The following BNC2 variants were observed in gnomAD, a reference collection of about 807,000 sequenced individuals.
BNC2 encodes zinc finger protein basonuclin-2.
BNC2 carries 20 observed loss-of-function variants against 76.3 expected under a neutral mutation model. That is an observed-to-expected ratio of 0.26 (90% CI 0.18 to 0.38). The LOEUF (loss-of-function observed/expected upper bound fraction) is 0.38, where lower values mean the gene tolerates loss of function less well. BNC2 is among the 10% of genes least tolerant of loss of function. The probability of loss-of-function intolerance (pLI) is 1.00; values close to 1 mark genes in which losing one functional copy is unlikely to be tolerated. For synonymous variants in BNC2, 582 were observed against 514.8 expected (o/e 1.13, Z -1.77); for missense variants, 1,382 against 1,399.8 (o/e 0.99, Z 0.20).
chr9:16,464,149 G>A (rs140936509), intron 5 of BNC2, among the ~76,000 whole-genome samples: 148 of 150,996 alleles, frequency 9.8e-4, no homozygotes, highest in Non-Finnish European at 1.4e-3. Context: ...AAAATGGGAG[G>A]AGCTAGTAGT....
At chr9:16,468,511 T>C (rs1821745494) in intron 5 of BNC2, among the ~76,000 whole-genome samples, 1 of 152,208 alleles carries the variant, frequency 6.6e-6, no homozygotes, top group Non-Finnish European at 1.5e-5. Flanking sequence ...CTCTCCCGCC[T>C]CAGCCTCCCG....
chr9:16,682,124 T>G (rs1414388868), intron 3 of BNC2, among the ~76,000 whole-genome samples: 3 of 151,728 alleles, frequency 2.0e-5, no homozygotes, highest in Non-Finnish European at 4.4e-5. Context: ...GTTATACCCA[T>G]TTAATAAGGT....
chr9:16,580,099 CTG>C (rs1419321197), intron 4 of BNC2: 1 of 398,408 alleles, frequency 2.5e-6, no homozygotes, highest in Non-Finnish European at 4.4e-6. Flanking sequence ...GGAAAGAATG[CTG>C]TGTTTCACCT....
chr9:16,464,885 T>A (rs1024397349), intron 5 of BNC2, among the ~76,000 whole-genome samples: 15 of 152,220 alleles, frequency 9.9e-5, no homozygotes, highest in Admixed American at 5.9e-4. Flanking sequence ...GTGATGTCTG[T>A]GACTGAACTA....
intron 3 of BNC2, among the ~76,000 whole-genome samples, chr9:16,593,648 C>T (rs1394155249): frequency 6.6e-6 from 1 of 152,000 alleles, no homozygotes; most frequent in East Asian, 1.9e-4. Context: ...TAGGCAAAAA[C>T]ATTTTATTTT....
At chr9:16,546,976 T>G (rs1263367997) in intron 5 of BNC2, among the ~76,000 whole-genome samples, 2 of 152,168 alleles carry the variant, frequency 1.3e-5, no homozygotes, top group Admixed American at 1.3e-4. Context: ...GGGAAGCGAG[T>G]TACAGTGATG....
chr9:16,588,606 A>C (rs1819836902), intron 3 of BNC2, among the ~76,000 whole-genome samples: 1 of 152,230 alleles, frequency 6.6e-6, no homozygotes, highest in African/African-American at 2.4e-5. Context: ...GCAAAAGTAC[A>C]TCTAAAATAT....
intron 3 of BNC2, among the ~76,000 whole-genome samples, chr9:16,726,616 AT>A (rs1380554089): frequency 6.6e-6 from 1 of 150,986 alleles, no homozygotes; most frequent in African/African-American, 2.4e-5. Context: ...GTGGCACAAC[AT>A]TTCTTAATAA....
intron 1 of BNC2, among the ~76,000 whole-genome samples, chr9:16,797,758 A>G: frequency 6.6e-6 from 1 of 152,266 alleles, no homozygotes; most frequent in African/African-American, 2.4e-5. Flanking sequence ...AAGTAGTCAC[A>G]TATCCCCACC....
intron 1 of BNC2, among the ~76,000 whole-genome samples, chr9:16,780,242 A>AAAAAAAAAAACAAAC (rs1826103021): frequency 7.7e-6 from 1 of 129,570 alleles, no homozygotes; most frequent in South Asian, 2.8e-4. Context: ...TTTCAAAAAA[A>AAAAAAAAAAACAAAC]AAAAAAAAAA....
intron 3 of BNC2, among the ~76,000 whole-genome samples, chr9:16,594,560 A>T (rs1820014993): frequency 6.6e-6 from 1 of 152,178 alleles, no homozygotes; most frequent in Non-Finnish European, 1.5e-5. Flanking sequence ...GCAACAGGGG[A>T]GAAAAGTTGT....
chr9:16,810,890 C>A (rs1818031163), intron 1 of BNC2, among the ~76,000 whole-genome samples: 2 of 152,102 alleles, frequency 1.3e-5, no homozygotes, highest in South Asian at 4.1e-4. Flanking sequence ...GAAATCTCCC[C>A]AAATTTTTTT....
At chr9:16,750,397 G>C (rs1225606495) in intron 1 of BNC2, among the ~76,000 whole-genome samples, 1 of 152,070 alleles carries the variant, frequency 6.6e-6, no homozygotes, top group African/African-American at 2.4e-5. Flanking sequence ...ACACCCAACA[G>C]CATATGGCTT....
At chr9:16,641,677 T>G (rs1821495854) in intron 3 of BNC2, among the ~76,000 whole-genome samples, 1 of 152,184 alleles carries the variant, frequency 6.6e-6, no homozygotes, top group Non-Finnish European at 1.5e-5. Context: ...CCAGCTAAGA[T>G]TCCAAAACTT....
intron 3 of BNC2, among the ~76,000 whole-genome samples, chr9:16,664,738 A>C (rs28405076): frequency 0.035 from 5,310 of 152,038 alleles, 140 homozygotes; most frequent in East Asian, 0.11. Context: ...ACAAAAAAAA[A>C]CAGGGGATCT....
Position 16,418,854 on chromosome 9 carries a change from C to T in BNC2, c.*135G>A. 6.3e-6 allele frequency: 6 copies of T among 950,100 alleles called. No individual in the cohort carries two copies. The highest frequency in any genetic ancestry group is 9.7e-6 in the Non-Finnish European group (6 of 617,020). The allele number at this position is 950,100 out of a possible 1,614,324, so 58.9% of individuals were successfully genotyped here. On this transcript the variant is annotated 3_prime_UTR_variant, in exon 7 of 7. Coordinates refer to ENST00000380672, the MANE Select transcript of BNC2 (RefSeq NM_017637.6). ...AGGAAATACGTGTGTGTATATGTAGCCACAGAGCATACATAAATGCACACA... is the reference window on the plus strand; with the variant it reads ...AGGAAATACGTGTGTGTATATGTAGTCACAGAGCATACATAAATGCACACA...
At chr9:16,518,948 T>C (rs947327384) in intron 5 of BNC2, among the ~76,000 whole-genome samples, 3 of 152,220 alleles carry the variant, frequency 2.0e-5, no homozygotes, top group Admixed American at 1.3e-4. Flanking sequence ...CTTTATCATA[T>C]AGTTTGGTGA....
chr9:16,413,455 A>AT lies in BNC2; in HGVS notation c.*5533dup, dbSNP rs1820518181. The AT allele has an allele frequency of 6.6e-6, 1 of 151,526 alleles. No homozygotes were observed. The highest frequency in any genetic ancestry group is 1.5e-5 in the Non-Finnish European group (1 of 67,962). The allele number at this position is 151,526 out of a possible 1,614,324, so 9.4% of individuals were successfully genotyped here. On this transcript the variant is annotated 3_prime_UTR_variant, in exon 7 of 7. Coordinates refer to ENST00000380672, the MANE Select transcript of BNC2 (RefSeq NM_017637.6). ...AATCTTTTGGATTAAAAGCATTTGG[A>AT]TTTTTCAACAAATGCCAAAAAGACA...
At chr9:16,852,780 G>A (rs775452973) in intron 1 of BNC2, among the ~76,000 whole-genome samples, 11 of 150,682 alleles carry the variant, frequency 7.3e-5, no homozygotes, top group Admixed American at 1.3e-4. Flanking sequence ...TGAAATGAGG[G>A]AGGAAGCCCT....
Sources: gnomAD v4.1 joint callset for allele counts (sites outside exome capture counted in the v4.1 genomes callset) on GRCh38, gnomAD v4.1.1 for gene constraint, MANE v1.5 for transcripts, NCBI Gene and HGNC (gene_info 2026-07-23, HGNC 2026-07-21) for gene names.